PPP2R2C: variants seen among roughly 807,000 people sequenced by gnomAD.
PPP2R2C encodes protein phosphatase 2 regulatory subunit Bgamma.
A neutral mutation model predicts 45.3 loss-of-function variants in PPP2R2C; 10 were observed. The observed-to-expected ratio is 0.22, with a 90% CI of 0.14 to 0.37. The LOEUF (loss-of-function observed/expected upper bound fraction) is 0.37, where lower values mean the gene tolerates loss of function less well. Ranked by LOEUF, PPP2R2C falls within the 10% of genes least tolerant of loss-of-function variation. PPP2R2C has a pLI of 1.00. For missense variants in PPP2R2C, 308 were observed against 619.7 expected (o/e 0.50, Z 5.34); for synonymous variants, 257 against 245.4 (o/e 1.05, Z -0.44).
Position 6,348,112 on chromosome 4 carries a change from T to C in PPP2R2C, c.626-102A>G. ...TCTCCCGAGGCAAAACCGTCCACCCTCGCGTCTGAGCTGCCTCTCTGTTCC... is the reference window on the plus strand; with the variant it reads ...TCTCCCGAGGCAAAACCGTCCACCCCCGCGTCTGAGCTGCCTCTCTGTTCC... On this transcript the variant is annotated intron_variant, in intron 5 of 8. Coordinates refer to ENST00000382599, the MANE Select transcript of PPP2R2C (RefSeq NM_020416.4). 2.2e-6 allele frequency: 3 copies of C among 1,373,594 alleles called. No homozygotes were observed. In the South Asian group the frequency reaches 3.9e-5, roughly 18 times the overall value. 85.1% of individuals were successfully genotyped at this position (1,373,594 alleles called of 1,614,324 possible). A position where few individuals can be genotyped will look rare whatever the true frequency, so the allele number is the denominator to read the frequency against.
At chr4:6,508,435 A>C (rs552986084) in intron 2 of PPP2R2C, among the ~76,000 whole-genome samples, 63 of 152,220 alleles carry the variant, frequency 4.1e-4, no homozygotes, top group Non-Finnish European at 8.4e-4. Flanking sequence ...AAATACAAAA[A>C]AAAATTAGCT....
At chr4:6,525,816 G>A (rs375517565) in intron 2 of PPP2R2C, among the ~76,000 whole-genome samples, 11 of 152,200 alleles carry the variant, frequency 7.2e-5, no homozygotes, top group African/African-American at 1.7e-4. Context: ...TGATTCTCCC[G>A]CCTCAGCCTC....
intron 1 of PPP2R2C, among the ~76,000 whole-genome samples, chr4:6,428,294 C>T (rs192845278): frequency 3.8e-4 from 58 of 152,334 alleles, no homozygotes; most frequent in African/African-American, 1.2e-3. Flanking sequence ...GATCCTCTAA[C>T]CCCGGCCTGG....
At chr4:6,531,662 TG>T (rs1724406306) in intron 2 of PPP2R2C, among the ~76,000 whole-genome samples, 1 of 152,074 alleles carries the variant, frequency 6.6e-6, no homozygotes, top group Non-Finnish European at 1.5e-5. Flanking sequence ...GCAGGTGCTC[TG>T]TGAACCCCAG....
intron 1 of PPP2R2C, among the ~76,000 whole-genome samples, chr4:6,562,599 A>G (rs148335794): frequency 1.3e-3 from 197 of 152,230 alleles, no homozygotes; most frequent in African/African-American, 4.2e-3. Flanking sequence ...GGGCCCCTGA[A>G]GGGAGGAGGG....
At position 6,414,076 on chromosome 4, in the gene PPP2R2C, ATGTGTGTGTGTGTGTGTGTG is replaced by A. The variant is rs71173440; in HGVS notation, c.71-33002_71-32983del. 191 of 882,392 alleles carry A rather than the reference ATGTGTGTGTGTGTGTGTGTG, an allele frequency of 2.2e-4. 3 individuals are homozygous for A. The African/African-American group carries it at 2.6e-3, about 12-fold the overall frequency. 54.7% of individuals were successfully genotyped at this position (882,392 alleles called of 1,614,324 possible). On this transcript the variant is annotated intron_variant, in intron 1 of 8. Coordinates refer to ENST00000382599, the MANE Select transcript of PPP2R2C (RefSeq NM_020416.4). ...ACAGTAACATAAGTTTTGCCTGTGT[ATGTGTGTGTGTGTGTGTGTG>A]TGTGTGTGTGTGTGTGTGTGTGTGT...
intron 6 of PPP2R2C, among the ~76,000 whole-genome samples, chr4:6,336,961 G>A (rs1732991785): frequency 1.0e-5 from 1 of 96,706 alleles, no homozygotes; most frequent in Admixed American, 1.2e-4. Flanking sequence ...TGCCTGTGGA[G>A]GAGGATGGGT....
At chr4:6,361,419 C>G (rs868123991) in intron 5 of PPP2R2C, among the ~76,000 whole-genome samples, 1 of 152,206 alleles carries the variant, frequency 6.6e-6, no homozygotes, top group African/African-American at 2.4e-5. Flanking sequence ...AAAGTCCAGC[C>G]CCACTGCCTA....
intron 1 of PPP2R2C, among the ~76,000 whole-genome samples, chr4:6,467,413 C>A (rs1368113005): frequency 6.6e-6 from 1 of 152,136 alleles, no homozygotes; most frequent in Non-Finnish European, 1.5e-5. Flanking sequence ...GACCGTGTGA[C>A]CTGCCCAATA....
chr4:6,411,529 T>A (rs1718196203), intron 1 of PPP2R2C, among the ~76,000 whole-genome samples: 1 of 151,760 alleles, frequency 6.6e-6, no homozygotes, highest in African/African-American at 2.4e-5. Flanking sequence ...AATTTGTGTC[T>A]GTACTCCACC....
intron 1 of PPP2R2C, among the ~76,000 whole-genome samples, chr4:6,560,505 A>G (rs181823557): frequency 4.1e-4 from 62 of 152,296 alleles, no homozygotes; most frequent in Non-Finnish European, 5.1e-4. Context: ...TCTGTGCCTC[A>G]GTAAAACGGA....
At chr4:6,496,995 T>C (rs952810165) in intron 2 of PPP2R2C, among the ~76,000 whole-genome samples, 6 of 152,010 alleles carry the variant, frequency 3.9e-5, no homozygotes, top group Non-Finnish European at 8.8e-5. Flanking sequence ...AAGAGCGTGA[T>C]CCATAGACTG....
At chr4:6,391,849 C>G (rs1716667626) in intron 1 of PPP2R2C, among the ~76,000 whole-genome samples, 1 of 152,238 alleles carries the variant, frequency 6.6e-6, no homozygotes, top group South Asian at 2.1e-4. Context: ...GGGGGAAAGA[C>G]CTGCGTTTGA....
intron 1 of PPP2R2C, among the ~76,000 whole-genome samples, chr4:6,388,060 C>T (rs1261133541): frequency 6.6e-6 from 1 of 152,212 alleles, no homozygotes; most frequent in African/African-American, 2.4e-5. Context: ...CTCAGGGCCC[C>T]AGATCAGCCA....
intron 3 of PPP2R2C, among the ~76,000 whole-genome samples, chr4:6,377,772 G>A (rs1002025024): frequency 2.0e-5 from 3 of 152,150 alleles, no homozygotes; most frequent in African/African-American, 7.2e-5. Context: ...GGGGGACCCA[G>A]GCCCATGGTG....
intron 1 of PPP2R2C, among the ~76,000 whole-genome samples, chr4:6,423,593 G>A (rs1371287083): frequency 1.3e-5 from 2 of 152,184 alleles, no homozygotes; most frequent in African/African-American, 4.8e-5. Flanking sequence ...AGCCCAAACA[G>A]GTAAACAGAC....
intron 6 of PPP2R2C, among the ~76,000 whole-genome samples, chr4:6,334,622 C>A (rs976575266): frequency 3.9e-5 from 6 of 152,250 alleles, no homozygotes; most frequent in African/African-American, 1.4e-4. Flanking sequence ...CCCTGTTGGG[C>A]CAGGCACTAA....
intron 1 of PPP2R2C, among the ~76,000 whole-genome samples, chr4:6,417,227 A>G (rs1161784287): frequency 2.6e-5 from 4 of 152,218 alleles, no homozygotes; most frequent in Non-Finnish European, 5.9e-5. Context: ...GGAGGGAGTA[A>G]GAGAAAAGGG....
chr4:6,390,004 G>A (rs933223952), intron 1 of PPP2R2C, among the ~76,000 whole-genome samples: 6 of 152,118 alleles, frequency 3.9e-5, no homozygotes, highest in African/African-American at 1.2e-4. Flanking sequence ...CCCCACCCAC[G>A]TCTATGAAAG....
Sources: allele counts gnomAD v4.1 joint callset (sites outside exome capture counted in the v4.1 genomes callset), GRCh38; gene constraint gnomAD v4.1.1; transcripts MANE v1.5; gene names NCBI Gene and HGNC (gene_info 2026-07-23, HGNC 2026-07-21).